The following CSNK1D variants were observed in gnomAD, a reference collection of about 807,000 sequenced individuals.
The protein encoded by CSNK1D is casein kinase I isoform delta.
A neutral mutation model predicts 46.6 loss-of-function variants in CSNK1D; 16 were observed. The observed-to-expected ratio is 0.34, with a 90% CI of 0.23 to 0.52. The LOEUF (loss-of-function observed/expected upper bound fraction) is 0.52. Among genes scored for constraint, CSNK1D ranks in the 20% least tolerant of loss-of-function variants. The pLI, the probability that CSNK1D is intolerant of heterozygous loss-of-function variation, is 0.95. For synonymous variants in CSNK1D, 276 were observed against 228.2 expected (o/e 1.21, Z -1.89); for missense variants, 398 against 578.4 (o/e 0.69, Z 3.20).
chr17:82,262,400 G>C (rs2051362744), intron 2 of CSNK1D, among the ~76,000 whole-genome samples: 2 of 152,322 alleles, frequency 1.3e-5, no homozygotes, highest in South Asian at 2.1e-4. Context: ...GCCCAGGGCT[G>C]CTATGGGCAG....
rs192456136 is a variant in CSNK1D, at chr17:82,273,267, C to G, written c.76+39G>C. 0.027 allele frequency: 41,822 copies of G among 1,569,772 alleles called. 680 individuals are homozygous for G. The highest frequency in any genetic ancestry group is 0.032 in the Non-Finnish European group (36,863 of 1,164,088). ...GCTTGGTCTTGGCAGCCGCAGGGCC[C>G]GGGTCTTCGGGCGGCGGGCGGGGGC... On this transcript the variant is annotated intron_variant, in intron 1 of 8. Coordinates refer to ENST00000314028, the MANE Select transcript of CSNK1D (RefSeq NM_001893.6). The surrounding 1 kb of genome is among the most constrained non-coding windows in gnomAD (Gnocchi z 5.1).
rs746877529 is a variant in CSNK1D, at chr17:82,248,782, A to G, written c.1197+93T>C. The G allele has an allele frequency of 2.1e-5, 33 of 1,536,316 alleles. No individual in the cohort carries two copies. The South Asian group carries it at 3.3e-4, about 15-fold the overall frequency. On this transcript the variant is annotated intron_variant, in intron 8 of 8. Transcript: ENST00000314028. The surrounding 1 kb of genome is among the most constrained non-coding windows in gnomAD (Gnocchi z 4.1). ...AAACTCTCAAAAATGGGGGGAAGAAAGGAAAGAAGAAGCCCTGGAGAAACC... is the reference window on the plus strand; with the variant it reads ...AAACTCTCAAAAATGGGGGGAAGAAGGGAAAGAAGAAGCCCTGGAGAAACC...
At chr17:82,270,711 A>G (rs1172426641) in intron 1 of CSNK1D, among the ~76,000 whole-genome samples, 1 of 152,100 alleles carries the variant, frequency 6.6e-6, no homozygotes, top group Non-Finnish European at 1.5e-5. Flanking sequence ...GGGTCGTCTG[A>G]AAGGACCACA....
intron 8 of CSNK1D, chr17:82,246,572 G>A (rs952289371): frequency 5.8e-6 from 6 of 1,031,054 alleles, no homozygotes; most frequent in African/African-American, 3.4e-5. Flanking sequence ...AGCCCTGGCC[G>A]AACACCAACA....
chr17:82,267,339 T>C (rs1284306711), intron 1 of CSNK1D, among the ~76,000 whole-genome samples: 1 of 152,216 alleles, frequency 6.6e-6, no homozygotes, highest in Non-Finnish European at 1.5e-5. Flanking sequence ...GGTTCCCTGA[T>C]GAAAAGCAGA....
In CSNK1D at chr17:82,271,621, T is replaced by C. The variant is rs187162523; in HGVS notation, c.76+1685A>G. Among the ~76,000 whole-genome samples, 201 of 152,342 alleles carry C rather than the reference T, an allele frequency of 1.3e-3. No individual in the cohort carries two copies. In the Middle Eastern group the frequency reaches 0.014, roughly 10 times the overall value. ...TTACTCAGCAGTCCACTAAGGCATATGTACAGGTTCAAAAGCAACAATATG... is the reference window on the plus strand; with the variant it reads ...TTACTCAGCAGTCCACTAAGGCATACGTACAGGTTCAAAAGCAACAATATG... On this transcript the variant is annotated intron_variant, in intron 1 of 8. Transcript: ENST00000314028.
Position 82,251,643 on chromosome 17 carries a change from G to GTTTTGCATCTGTCCTT in CSNK1D, c.737-117_737-116insAAGGACAGATGCAAAA. ...CACACTCAAGGGGAGAAGGACAGAT[G>GTTTTGCATCTGTCCTT]CAAAACACCTGTCAGATTTCTAAGA... On this transcript the variant is annotated intron_variant, in intron 5 of 8. Coordinates refer to ENST00000314028, the MANE Select transcript of CSNK1D (RefSeq NM_001893.6). The surrounding 1 kb of genome is among the most constrained non-coding windows in gnomAD (Gnocchi z 4.5). 1 of 1,017,266 alleles carries GTTTTGCATCTGTCCTT rather than the reference G, an allele frequency of 9.8e-7. No individual in the cohort carries two copies. The highest frequency in any genetic ancestry group is 1.5e-6 in the Non-Finnish European group (1 of 658,734). The allele number at this position is 1,017,266 out of a possible 1,614,324, so 63.0% of individuals were successfully genotyped here.
chr17:82,256,737 C>T (rs1049220987), intron 2 of CSNK1D, among the ~76,000 whole-genome samples: 2 of 152,092 alleles, frequency 1.3e-5, no homozygotes, highest in African/African-American at 4.8e-5. Context: ...CCCCAAAATA[C>T]GTCCTTTGGT....
Position 82,255,639 on chromosome 17 carries a change from C to G in CSNK1D, c.188-62G>C. ...GCCCTGCCTCAGCTCCACACTAAGT[C>G]TGCACTGTGCACACCAAGGGGTCAT... On this transcript the variant is annotated intron_variant, in intron 2 of 8. Coordinates refer to ENST00000314028, the MANE Select transcript of CSNK1D (RefSeq NM_001893.6). The surrounding 1 kb of genome is among the most constrained non-coding windows in gnomAD (Gnocchi z 5.9). 1.3e-6 allele frequency: 2 copies of G among 1,595,346 alleles called. No individual in the cohort carries two copies. The highest frequency in any genetic ancestry group is 2.2e-5 in the South Asian group (2 of 90,698).
intron 2 of CSNK1D, among the ~76,000 whole-genome samples, chr17:82,263,429 C>T (rs1270685198): frequency 6.6e-6 from 1 of 152,208 alleles, no homozygotes; most frequent in Non-Finnish European, 1.5e-5. Context: ...AGCCAGCGGC[C>T]ACAGGGGAAG....
Position 82,248,385 on chromosome 17 carries a change from A to C in CSNK1D, c.1197+490T>G. On this transcript the variant is annotated intron_variant, in intron 8 of 8. Transcript: ENST00000314028. The surrounding 1 kb of genome is among the most constrained non-coding windows in gnomAD (Gnocchi z 4.1). ...CCAAGGGAAGACAGGTGAGGCCGTC[A>C]AAAGAAGGAAAGCCTCGTTGCAGGG... The C allele has an allele frequency of 1.0e-6, 1 of 1,001,846 alleles. No individual in the cohort carries two copies. The highest frequency in any genetic ancestry group is 4.1e-5 in the South Asian group (1 of 24,320). 62.1% of individuals were successfully genotyped at this position (1,001,846 alleles called of 1,614,324 possible). A position where few individuals can be genotyped will look rare whatever the true frequency, so the allele number is the denominator to read the frequency against.
Position 82,248,564 on chromosome 17 carries a change from TG to T in CSNK1D, c.1197+310del. ...AAGCAGGCGAGCGGTGTCAGCTGCC[TG>T]GGGACGGCTGCGGGCAGCGGGGCAC... On this transcript the variant is annotated intron_variant, in intron 8 of 8. Transcript: ENST00000314028. This position sits in a 1 kb window ranked among gnomAD's most constrained non-coding sequence, Gnocchi z 4.1. 2 of 1,215,550 alleles carry T rather than the reference TG, an allele frequency of 1.6e-6. No homozygotes were observed. Among genetic ancestry groups the T allele is most frequent in the South Asian group, 3.6e-5 (2 of 55,912 alleles). The allele number at this position is 1,215,550 out of a possible 1,614,324, so 75.3% of individuals were successfully genotyped here.
intron 1 of CSNK1D, among the ~76,000 whole-genome samples, chr17:82,270,698 G>A (rs958841165): frequency 6.6e-6 from 1 of 151,986 alleles, no homozygotes. Flanking sequence ...CCTTTCCTCC[G>A]TGGGGTCGTC....
Position 82,251,355 on chromosome 17 carries a change from G to T in CSNK1D, c.885+24C>A. Reference sequence around the variant, plus strand: ...CCATCCCCCGCACACCACACTCAGCGAACGTGCTGGCAGTGCGACTTACAA... The same window carrying T: ...CCATCCCCCGCACACCACACTCAGCTAACGTGCTGGCAGTGCGACTTACAA... On this transcript the variant is annotated intron_variant, in intron 6 of 8. Coordinates refer to ENST00000314028, the MANE Select transcript of CSNK1D (RefSeq NM_001893.6). This position sits in a 1 kb window ranked among gnomAD's most constrained non-coding sequence, Gnocchi z 4.5. 2.5e-6 allele frequency: 4 copies of T among 1,613,802 alleles called. No individual in the cohort carries two copies. Among genetic ancestry groups the T allele is most frequent in the Non-Finnish European group, 3.4e-6 (4 of 1,179,860 alleles).
At position 82,255,632 on chromosome 17, in the gene CSNK1D, A is replaced by G. The variant is rs1168832733; in HGVS notation, c.188-55T>C. Reference sequence around the variant, plus strand: ...AGTCCAGGCCCTGCCTCAGCTCCACACTAAGTCTGCACTGTGCACACCAAG... The same window carrying G: ...AGTCCAGGCCCTGCCTCAGCTCCACGCTAAGTCTGCACTGTGCACACCAAG... On this transcript the variant is annotated intron_variant, in intron 2 of 8. Coordinates refer to ENST00000314028, the MANE Select transcript of CSNK1D (RefSeq NM_001893.6). This position sits in a 1 kb window ranked among gnomAD's most constrained non-coding sequence, Gnocchi z 5.9. The G allele has an allele frequency of 6.2e-7, 1 of 1,606,582 alleles. No homozygotes were observed. The highest frequency in any genetic ancestry group is 8.5e-7 in the Non-Finnish European group (1 of 1,173,756).
chr17:82,240,457 C>G (rs1187444028), downstream of CSNK1D, among the ~76,000 whole-genome samples: 3 of 152,208 alleles, frequency 2.0e-5, no homozygotes, highest in Non-Finnish European at 4.4e-5. Flanking sequence ...GCCTCTGGAC[C>G]TGGCTGTCCC....
At chr17:82,268,967 T>G (rs1019167011) in intron 1 of CSNK1D, among the ~76,000 whole-genome samples, 2 of 151,654 alleles carry the variant, frequency 1.3e-5, no homozygotes, top group African/African-American at 2.4e-5. Flanking sequence ...CATGCTGGTG[T>G]GCGCCTCTAA....
Position 82,250,060 on chromosome 17 carries a change from T to A in CSNK1D, c.886-458A>T. The A allele has an allele frequency of 7.8e-7, 1 of 1,282,326 alleles. No individual in the cohort carries two copies. The highest frequency in any genetic ancestry group is 1.0e-6 in the Non-Finnish European group (1 of 984,368). 79.4% of individuals were successfully genotyped at this position (1,282,326 alleles called of 1,614,324 possible). On this transcript the variant is annotated intron_variant, in intron 6 of 8. Transcript: ENST00000314028. The surrounding 1 kb of genome is among the most constrained non-coding windows in gnomAD (Gnocchi z 4.6). The stretch of plus-strand genomic sequence containing the variant: ...AGGAGTACACTCAGGGTCCGGACCC[T>A]GCAGCCTCCAACAGCCTGTGCAGGT...
rs575289438 is a variant in CSNK1D, at chr17:82,256,317, C to G, written c.188-740G>C. On this transcript the variant is annotated intron_variant, in intron 2 of 8. Transcript: ENST00000314028. ...CTTGAGCTCAGAAGTTCGAGACCAG[C>G]CTGGATAACAAAGGGAGACCCTTGT... Among the ~76,000 whole-genome samples, 3 of 152,164 alleles carry G rather than the reference C, an allele frequency of 2.0e-5. No homozygotes were observed. In the East Asian group the frequency reaches 5.8e-4, roughly 29 times the overall value.
Sources: gnomAD v4.1 joint callset for allele counts (sites outside exome capture counted in the v4.1 genomes callset) on GRCh38, gnomAD v4.1.1 for gene constraint, Gnocchi (gnomAD v3.1) non-coding constraint, MANE v1.5 for transcripts, NCBI Gene and HGNC (gene_info 2026-07-23, HGNC 2026-07-21) for gene names.